The following CMSS1 variants were observed in gnomAD, a reference collection of about 807,000 sequenced individuals.
CMSS1 encodes protein CMSS1.
In CMSS1, 33 loss-of-function variants were observed where a neutral mutation model predicts 43.5. The observed-to-expected ratio is 0.76, with a 90% CI of 0.57 to 1.01. The LOEUF is 1.01. Ranked by LOEUF, CMSS1 falls within the 50% of genes least tolerant of loss-of-function variation. CMSS1 has a pLI of 0.00. For missense variants in CMSS1, 313 were observed against 326.4 expected (o/e 0.96, Z 0.32); for synonymous variants, 115 against 117.2 (o/e 0.98, Z 0.12).
intron 1 of CMSS1, among the ~76,000 whole-genome samples, chr3:100,143,858 C>T (rs933504928): frequency 1.3e-5 from 2 of 152,054 alleles, no homozygotes; most frequent in Non-Finnish European, 2.9e-5. Context: ...AGTCCACTTT[C>T]CCTGAAATTA....
intron 1 of CMSS1, among the ~76,000 whole-genome samples, chr3:99,884,074 G>T (rs558424125): frequency 5.3e-5 from 8 of 152,134 alleles, no homozygotes; most frequent in African/African-American, 1.9e-4. Flanking sequence ...AGTGAGAATG[G>T]ATCTTGGAGA....
At chr3:100,071,090 C>CTTTTTTTTTTTT (rs61563009) in intron 1 of CMSS1, among the ~76,000 whole-genome samples, 2 of 70,564 alleles carry the variant, frequency 2.8e-5, no homozygotes, top group Admixed American at 1.5e-4. Flanking sequence ...GCTACTCTCT[C>CTTTTTTTTTTTT]TTTTTTTTTT....
At chr3:99,902,833 G>A (rs1706480072) in intron 1 of CMSS1, among the ~76,000 whole-genome samples, 2 of 152,212 alleles carry the variant, frequency 1.3e-5, no homozygotes, top group African/African-American at 4.8e-5. Context: ...TAACTTCCAT[G>A]TGAAGATAGT....
Position 100,176,311 on chromosome 3 carries a change from T to A in CMSS1, c.668-16T>A. 6.4e-7 allele frequency: 1 copy of A among 1,568,428 alleles called. No homozygotes were observed. On this transcript the variant is annotated splice_polypyrimidine_tract_variant and intron_variant, in intron 8 of 9. Coordinates refer to ENST00000421999, the MANE Select transcript of CMSS1 (RefSeq NM_032359.4). ...TGAGGTCTTTACTACAGCAACTCTC[T>A]TCCTGTCTCTTTCAGGTGGCCTTAA... is the stretch of plus-strand genomic sequence containing the variant.
At chr3:99,861,612 CTTCT>C (rs1944259751) in intron 1 of CMSS1, among the ~76,000 whole-genome samples, 1 of 152,110 alleles carries the variant, frequency 6.6e-6, no homozygotes, top group Non-Finnish European at 1.5e-5. Flanking sequence ...CCAAGGTAGC[CTTCT>C]TTAAGACAGG....
At chr3:99,850,563 T>G (rs751008182) in intron 1 of CMSS1, 50 of 1,613,786 alleles carry the variant, frequency 3.1e-5, no homozygotes, top group Non-Finnish European at 4.2e-5. Context: ...GCTCTTCCAC[T>G]TCAGCCATGA....
chr3:100,047,034 A>G (rs2065288670), intron 1 of CMSS1, among the ~76,000 whole-genome samples: 1 of 152,234 alleles, frequency 6.6e-6, no homozygotes, highest in African/African-American at 2.4e-5. Flanking sequence ...AGTTTTCAAG[A>G]TAAAATGTAA....
chr3:100,092,534 C>T (rs1190994599), intron 1 of CMSS1, among the ~76,000 whole-genome samples: 1 of 151,284 alleles, frequency 6.6e-6, no homozygotes, highest in African/African-American at 2.4e-5. Context: ...CTTAAAATAC[C>T]CTTGCATGTG....
intron 1 of CMSS1, among the ~76,000 whole-genome samples, chr3:100,021,958 TGTGAGAGAGA>T (rs1237380655): frequency 7.4e-5 from 7 of 94,930 alleles, no homozygotes; most frequent in African/African-American, 1.9e-4. Context: ...TGTGTGTGTG[TGTGAGAGAGA>T]GAGAGAGAGA....
chr3:100,108,161 A>G (rs1055403790), intron 1 of CMSS1, among the ~76,000 whole-genome samples: 1 of 152,136 alleles, frequency 6.6e-6, no homozygotes, highest in African/African-American at 2.4e-5. Context: ...TTTCTAGCCC[A>G]TGGCTTCTTA....
chr3:100,064,339 A>T (rs1240960987), intron 1 of CMSS1, among the ~76,000 whole-genome samples: 2 of 151,720 alleles, frequency 1.3e-5, no homozygotes, highest in African/African-American at 4.8e-5. Context: ...CCAATTTGCC[A>T]CCAGCTCCCC....
At chr3:99,956,729 TTCTTTCTCA>T (rs1472134748) in intron 1 of CMSS1, among the ~76,000 whole-genome samples, 4 of 152,188 alleles carry the variant, frequency 2.6e-5, no homozygotes, top group Non-Finnish European at 5.9e-5. Flanking sequence ...TAGCTGTAGT[TTCTTTCTCA>T]CTATTGGTTC....
At chr3:99,848,086 T>C in intron 1 of CMSS1, 1 of 1,370,602 alleles carries the variant, frequency 7.3e-7, no homozygotes. Flanking sequence ...AATGAAAAGA[T>C]ATACAGTAAG....
intron 1 of CMSS1, among the ~76,000 whole-genome samples, chr3:99,934,923 T>G (rs903560485): frequency 6.6e-6 from 1 of 152,242 alleles, no homozygotes; most frequent in Non-Finnish European, 1.5e-5. Flanking sequence ...ATCAACATTC[T>G]CACTGATTAA....
chr3:100,101,823 A>C (rs1393677781), intron 1 of CMSS1, among the ~76,000 whole-genome samples: 1 of 151,604 alleles, frequency 6.6e-6, no homozygotes, highest in Non-Finnish European at 1.5e-5. Context: ...TCCTGTGTCC[A>C]TGTGTTCTCA....
At chr3:99,836,049 A>G (rs1942884055) in intron 1 of CMSS1, among the ~76,000 whole-genome samples, 1 of 152,138 alleles carries the variant, frequency 6.6e-6, no homozygotes, top group African/African-American at 2.4e-5. Flanking sequence ...GCCATGGTAG[A>G]AGGTTTGGAC....
chr3:99,991,479 G>T (rs779645569), intron 1 of CMSS1, among the ~76,000 whole-genome samples: 1 of 151,794 alleles, frequency 6.6e-6, no homozygotes, highest in East Asian at 1.9e-4. Flanking sequence ...TATTTAGGAG[G>T]TACAAATGCA....
intron 1 of CMSS1, among the ~76,000 whole-genome samples, chr3:99,888,295 G>A (rs1175196117): frequency 6.6e-6 from 1 of 152,048 alleles, no homozygotes; most frequent in African/African-American, 2.4e-5. Flanking sequence ...GAACCTGGAA[G>A]GTTGAGGCTA....
intron 1 of CMSS1, among the ~76,000 whole-genome samples, chr3:100,005,807 A>G (rs927361479): frequency 2.0e-5 from 3 of 152,176 alleles, no homozygotes; most frequent in Non-Finnish European, 2.9e-5. Flanking sequence ...ATTATTGCCC[A>G]AGAGAGGAAA....
Sources: allele counts gnomAD v4.1 joint callset (sites outside exome capture counted in the v4.1 genomes callset), GRCh38; gene constraint gnomAD v4.1.1; transcripts MANE v1.5; gene names NCBI Gene and HGNC (gene_info 2026-07-23, HGNC 2026-07-21).